TMCC1: variants seen among roughly 807,000 people sequenced by gnomAD.
TMCC1 encodes the protein transmembrane and coiled-coil domains protein 1.
In TMCC1, 15 loss-of-function variants were observed where a neutral mutation model predicts 52.4. That is an observed-to-expected ratio of 0.29 (90% CI 0.19 to 0.44). TMCC1 has a LOEUF of 0.44. TMCC1 is among the 20% of genes least tolerant of loss of function. The pLI is 1.00. For missense variants in TMCC1, 503 were observed against 806.0 expected (o/e 0.62, Z 4.55); for synonymous variants, 279 against 301.9 (o/e 0.92, Z 0.79).
Position 129,752,422 on chromosome 3 carries a change from C to T in TMCC1, c.576+75381G>A, listed in dbSNP as rs558790479. Reference sequence around the variant, plus strand: ...ACTATACTCACCCTGGGAGGTCATTCTTTAAAGCTTCTATTCTGGATTAAA... The same window carrying T: ...ACTATACTCACCCTGGGAGGTCATTTTTTAAAGCTTCTATTCTGGATTAAA... On this transcript the variant is annotated intron_variant, in intron 4 of 6. Transcript: ENST00000393238. 8.5e-5 allele frequency among the ~76,000 whole-genome samples: 13 copies of T among 152,284 alleles called. No homozygotes were observed. The South Asian group carries it at 2.5e-3, about 29-fold the overall frequency.
intron 4 of TMCC1, among the ~76,000 whole-genome samples, chr3:129,789,357 A>AAAGATTTCACAGG (rs2056285194): frequency 6.6e-6 from 1 of 152,244 alleles, no homozygotes; most frequent in Non-Finnish European, 1.5e-5. Flanking sequence ...GATATCACAG[A>AAAGATTTCACAGG]AAGATTAAGT....
intron 4 of TMCC1, among the ~76,000 whole-genome samples, chr3:129,795,086 C>CA (rs1370974767): frequency 3.3e-5 from 5 of 152,180 alleles, no homozygotes; most frequent in Admixed American, 6.5e-5. Flanking sequence ...GAAGGAATGT[C>CA]AGGTGCAGAG....
At chr3:129,825,650 A>G (rs917479375) in intron 4 of TMCC1, among the ~76,000 whole-genome samples, 11 of 152,234 alleles carry the variant, frequency 7.2e-5, no homozygotes, top group African/African-American at 2.7e-4. Flanking sequence ...ACAACAGTTG[A>G]AAAGTATTAC....
intron 1 of TMCC1, among the ~76,000 whole-genome samples, chr3:129,891,949 G>A (rs1007974365): frequency 6.6e-6 from 1 of 152,128 alleles, no homozygotes; most frequent in Non-Finnish European, 1.5e-5. Flanking sequence ...TAGGGCACTG[G>A]GGTTCTTCAT....
intron 4 of TMCC1, among the ~76,000 whole-genome samples, chr3:129,727,011 A>T (rs1432958885): frequency 6.6e-6 from 1 of 150,926 alleles, no homozygotes; most frequent in Non-Finnish European, 1.5e-5. Context: ...ACATGTACTG[A>T]TTCTCCATTT....
At chr3:129,871,006 T>A (rs1048026739) in intron 2 of TMCC1, among the ~76,000 whole-genome samples, 2 of 151,986 alleles carry the variant, frequency 1.3e-5, no homozygotes, top group African/African-American at 4.8e-5. Context: ...CAACTTACCT[T>A]AGATTATGGG....
In TMCC1 at chr3:129,749,991, T is replaced by G. The variant is rs79660509; in HGVS notation, c.576+77812A>C. Among the ~76,000 whole-genome samples, 494 of 152,326 alleles carry G rather than the reference T, an allele frequency of 3.2e-3. 3 individuals carry two copies. The highest frequency in any genetic ancestry group is 0.011 in the African/African-American group (464 of 41,582). ...CAATTTACACCTTCAGCAGAACACATGTACTGCATTATAATGAAATTATAT... is the reference window on the plus strand; with the variant it reads ...CAATTTACACCTTCAGCAGAACACAGGTACTGCATTATAATGAAATTATAT... On this transcript the variant is annotated intron_variant, in intron 4 of 6. Transcript: ENST00000393238.
At chr3:129,760,460 G>C (rs1019968970) in intron 4 of TMCC1, among the ~76,000 whole-genome samples, 1 of 75,880 alleles carries the variant, frequency 1.3e-5, no homozygotes, top group African/African-American at 1.0e-4. Context: ...CGCTCTGTGT[G>C]TGTGTGTGTG....
chr3:129,877,285 G>A (rs1296198439), intron 2 of TMCC1, among the ~76,000 whole-genome samples: 1 of 152,136 alleles, frequency 6.6e-6, no homozygotes, highest in Non-Finnish European at 1.5e-5. Flanking sequence ...CATCTCAATT[G>A]TAGTATTTGA....
intron 5 of TMCC1, 38 bp downstream of exon 5, chr3:129,670,292 A>G: frequency 6.3e-7 from 1 of 1,581,600 alleles, no homozygotes. Flanking sequence ...GGGGAACCCT[A>G]CACAAATAAT....
intron 6 of TMCC1, 130 bp downstream of exon 6, chr3:129,654,838 T>C (rs531076169): frequency 1.7e-5 from 21 of 1,262,568 alleles, no homozygotes; most frequent in Non-Finnish European, 2.1e-5. Context: ...TAAGAGTAGG[T>C]ATACTCTTAC....
At chr3:129,770,250 T>G (rs890045842) in intron 4 of TMCC1, among the ~76,000 whole-genome samples, 2 of 152,206 alleles carry the variant, frequency 1.3e-5, no homozygotes, top group African/African-American at 4.8e-5. Flanking sequence ...ATGCAGTGGC[T>G]CACACCTGTA....
intron 2 of TMCC1, among the ~76,000 whole-genome samples, chr3:129,849,546 T>G (rs1279571827): frequency 1.3e-5 from 2 of 150,692 alleles, no homozygotes; most frequent in East Asian, 3.9e-4. Context: ...GGGAGGATCA[T>G]GAGGTCAGGA....
At chr3:129,702,473 T>C (rs2047910444) in intron 4 of TMCC1, among the ~76,000 whole-genome samples, 1 of 152,150 alleles carries the variant, frequency 6.6e-6, no homozygotes, top group African/African-American at 2.4e-5. Context: ...CAGTTCTGTA[T>C]TGCTGGAAAA....
In TMCC1 at chr3:129,828,961, AATC is replaced by A. The variant is rs1270171952; in HGVS notation, c.-130-456_-130-454del. Among the ~76,000 whole-genome samples the A allele has an allele frequency of 3.3e-5, 5 of 152,224 alleles. No homozygotes were observed. Among genetic ancestry groups the A allele is most frequent in the African/African-American group, 1.2e-4 (5 of 41,456 alleles). ...TTATTCACAGGCTGAAACTCAGTAT[AATC>A]AAAGAACAACAGTGAGAAATGGATA... On this transcript the variant is annotated intron_variant, in intron 3 of 6. Coordinates refer to ENST00000393238, the MANE Select transcript of TMCC1 (RefSeq NM_001017395.5). The surrounding 1 kb of genome is among the most constrained non-coding windows in gnomAD (Gnocchi z 4.1).
chr3:129,757,390 C>T (rs1369238786), intron 4 of TMCC1, among the ~76,000 whole-genome samples: 1 of 152,196 alleles, frequency 6.6e-6, no homozygotes, highest in African/African-American at 2.4e-5. Context: ...TCTTCTCTCT[C>T]ATGCATTTTG....
intron 4 of TMCC1, among the ~76,000 whole-genome samples, chr3:129,769,075 A>G (rs2054341899): frequency 6.6e-6 from 1 of 152,234 alleles, no homozygotes; most frequent in African/African-American, 2.4e-5. Context: ...AGTAACAGGA[A>G]CTTTATAATT....
intron 4 of TMCC1, among the ~76,000 whole-genome samples, chr3:129,811,263 A>ACATTTTT (rs2057790445): frequency 2.9e-4 from 1 of 3,400 alleles, no homozygotes; most frequent in South Asian, 0.045. Flanking sequence ...TTCATTTTAT[A>ACATTTTT]TATTATTTTT....
chr3:129,736,678 C>T (rs368503099), intron 4 of TMCC1, among the ~76,000 whole-genome samples: 23 of 152,022 alleles, frequency 1.5e-4, no homozygotes, highest in African/African-American at 5.3e-4. Flanking sequence ...CCCGCCACCA[C>T]GCCCAGCTAA....
Sources: gnomAD v4.1 joint callset for allele counts (sites outside exome capture counted in the v4.1 genomes callset) on GRCh38, gnomAD v4.1.1 for gene constraint, Gnocchi (gnomAD v3.1) non-coding constraint, MANE v1.5 for transcripts, NCBI Gene and HGNC (gene_info 2026-07-23, HGNC 2026-07-21) for gene names.